FAM107B: variants seen among roughly 807,000 people sequenced by gnomAD.
FAM107B encodes family with sequence similarity 107 member B, also known as protein FAM107B.
A neutral mutation model predicts 31.5 loss-of-function variants in FAM107B; 21 were observed. The observed-to-expected ratio is 0.67, with a 90% CI of 0.47 to 0.96. The LOEUF (loss-of-function observed/expected upper bound fraction) is 0.96, where lower values mean the gene tolerates loss of function less well. Among genes scored for constraint, FAM107B ranks in the 40% least tolerant of loss-of-function variants. FAM107B has a pLI of 0.00. For missense variants in FAM107B, 452 were observed against 377.1 expected (o/e 1.20, Z -1.64); for synonymous variants, 157 against 141.5 (o/e 1.11, Z -0.78).
chr10:14,636,882 C>A (rs892505952), intron 2 of FAM107B, among the ~76,000 whole-genome samples: 1 of 151,912 alleles, frequency 6.6e-6, no homozygotes, highest in African/African-American at 2.4e-5. Flanking sequence ...GCTTTATCTG[C>A]GGGTATCCTT....
intron 2 of FAM107B, among the ~76,000 whole-genome samples, chr10:14,545,882 G>A (rs918369273): frequency 2.6e-5 from 4 of 152,162 alleles, no homozygotes; most frequent in African/African-American, 7.2e-5. Context: ...TTCATCTCAG[G>A]AAACTACAAA....
At chr10:14,677,559 T>G (rs997963309) in intron 1 of FAM107B, among the ~76,000 whole-genome samples, 1 of 151,806 alleles carries the variant, frequency 6.6e-6, no homozygotes, top group Non-Finnish European at 1.5e-5. Flanking sequence ...AGGCGGAGCT[T>G]GCAGTGAGCA....
intron 1 of FAM107B, among the ~76,000 whole-genome samples, chr10:14,713,756 A>G (rs1031817393): frequency 6.6e-6 from 1 of 152,242 alleles, no homozygotes; most frequent in African/African-American, 2.4e-5. Flanking sequence ...GCTATTCACA[A>G]TAGCAAAGAC....
At chr10:14,549,707 G>A (rs568111176) in intron 2 of FAM107B, among the ~76,000 whole-genome samples, 115 of 152,206 alleles carry the variant, frequency 7.6e-4, no homozygotes, top group African/African-American at 1.5e-3. Flanking sequence ...CCATGAGACC[G>A]TTCATTCACC....
At chr10:14,713,899 G>A (rs897019575) in intron 1 of FAM107B, among the ~76,000 whole-genome samples, 4 of 152,146 alleles carry the variant, frequency 2.6e-5, no homozygotes, top group Non-Finnish European at 5.9e-5. Flanking sequence ...GGAGTTGGAG[G>A]TCATTATTCC....
At chr10:14,525,822 C>T (rs1484778449) in intron 3 of FAM107B, among the ~76,000 whole-genome samples, 4 of 152,316 alleles carry the variant, frequency 2.6e-5, no homozygotes, top group South Asian at 2.1e-4. Flanking sequence ...ATCTGCACAT[C>T]GCATATTTTG....
intron 2 of FAM107B, among the ~76,000 whole-genome samples, chr10:14,582,624 C>A (rs568547939): frequency 2.0e-5 from 3 of 151,788 alleles, no homozygotes; most frequent in South Asian, 2.1e-4. Context: ...TGATCTGCCC[C>A]CCTCGGCCTC....
chr10:14,740,510 A>C (rs1488177835), intron 1 of FAM107B, among the ~76,000 whole-genome samples: 3 of 152,188 alleles, frequency 2.0e-5, no homozygotes, highest in Non-Finnish European at 4.4e-5. Context: ...ATCCTATATG[A>C]TACTGTCATG....
chr10:14,577,492 C>T (rs12267602), intron 2 of FAM107B, among the ~76,000 whole-genome samples: 216 of 152,074 alleles, frequency 1.4e-3, no homozygotes, highest in African/African-American at 4.4e-3. Flanking sequence ...TTGCATAGTA[C>T]GAAGAAATAA....
chr10:14,562,119 T>A (rs1850297778), intron 2 of FAM107B, among the ~76,000 whole-genome samples: 1 of 152,192 alleles, frequency 6.6e-6, no homozygotes, highest in Admixed American at 6.5e-5. Context: ...AAAGTTCAAC[T>A]CATACTTAGT....
At chr10:14,700,644 T>C (rs1434844242) in intron 1 of FAM107B, among the ~76,000 whole-genome samples, 3 of 152,046 alleles carry the variant, frequency 2.0e-5, no homozygotes, top group African/African-American at 7.2e-5. Flanking sequence ...TGGAATCTGC[T>C]GCAACTCCCT....
intron 1 of FAM107B, among the ~76,000 whole-genome samples, chr10:14,727,154 G>A (rs1166950323): frequency 6.6e-6 from 1 of 152,146 alleles, no homozygotes; most frequent in East Asian, 1.9e-4. Flanking sequence ...AGTAATGCAA[G>A]TAATGGGGAG....
chr10:14,659,285 A>T (rs1051567364), intron 2 of FAM107B, among the ~76,000 whole-genome samples: 1 of 152,096 alleles, frequency 6.6e-6, no homozygotes, highest in African/African-American at 2.4e-5. Flanking sequence ...TACTGAAAAT[A>T]CAAAAATTAG....
chr10:14,582,947 A>G (rs902393125), intron 2 of FAM107B, among the ~76,000 whole-genome samples: 1 of 152,014 alleles, frequency 6.6e-6, no homozygotes, highest in South Asian at 2.1e-4. Context: ...TTAGCCGGGC[A>G]GAGTGGCGTG....
intron 1 of FAM107B, among the ~76,000 whole-genome samples, chr10:14,685,312 C>T (rs1299275543): frequency 1.3e-5 from 2 of 151,874 alleles, no homozygotes; most frequent in Non-Finnish European, 2.9e-5. Flanking sequence ...CCATGACCCG[C>T]TAATTTTTAA....
At chr10:14,532,310 C>T (rs1377253121) in intron 2 of FAM107B, among the ~76,000 whole-genome samples, 1 of 152,134 alleles carries the variant, frequency 6.6e-6, no homozygotes, top group African/African-American at 2.4e-5. Flanking sequence ...CCCAGCACCT[C>T]CCCGTGTTAT....
intron 1 of FAM107B, among the ~76,000 whole-genome samples, chr10:14,701,513 G>A (rs1386426538): frequency 6.6e-6 from 1 of 152,124 alleles, no homozygotes; most frequent in East Asian, 1.9e-4. Flanking sequence ...CCAAAGTGCT[G>A]GGATCATAGG....
intron 2 of FAM107B, among the ~76,000 whole-genome samples, chr10:14,543,246 G>A (rs1848389512): frequency 6.6e-6 from 1 of 152,020 alleles, no homozygotes; most frequent in African/African-American, 2.4e-5. Context: ...CTTTTTAAAA[G>A]AAATAACCCG....
chr10:14,527,298 T>G (rs1252498327), intron 3 of FAM107B, among the ~76,000 whole-genome samples: 1 of 152,204 alleles, frequency 6.6e-6, no homozygotes, highest in Non-Finnish European at 1.5e-5. Flanking sequence ...TTCAAAGACT[T>G]TTAACCTGAA....
Sources: allele counts gnomAD v4.1 joint callset (sites outside exome capture counted in the v4.1 genomes callset), GRCh38; gene constraint gnomAD v4.1.1; transcripts MANE v1.5; gene names NCBI Gene and HGNC (gene_info 2026-07-23, HGNC 2026-07-21).